Variants in RUNX1 observed in about 807,000 individuals in gnomAD.
RUNX1 encodes the protein RUNX family transcription factor 1.
In RUNX1, 19 loss-of-function variants were observed where a neutral mutation model predicts 42.8. The ratio of observed to expected loss-of-function variants is 0.44; its 90% CI spans 0.31 to 0.65. The LOEUF (loss-of-function observed/expected upper bound fraction) is 0.65, where lower values mean the gene tolerates loss of function less well. Among genes scored for constraint, RUNX1 ranks in the 30% least tolerant of loss-of-function variants. The probability of loss-of-function intolerance (pLI) is 0.07; values close to 1 mark genes in which losing one functional copy is unlikely to be tolerated. For missense variants in RUNX1, 528 were observed against 672.0 expected, an observed-to-expected ratio of 0.79 and a Z score of 2.37; for synonymous variants, 271 against 289.4, an observed-to-expected ratio of 0.94 and a Z score of 0.64.
chr21:34,938,992 C>T (rs191229943), intron 2 of RUNX1, among the ~76,000 whole-genome samples: 4 of 152,196 alleles, frequency 2.6e-5, no homozygotes, highest in Admixed American at 2.0e-4. Context: ...GCTCAAACAG[C>T]GGCAAATTTC....
At chr21:34,873,012 GA>G (rs773264416) in intron 5 of RUNX1, among the ~76,000 whole-genome samples, 31 of 152,186 alleles carry the variant, frequency 2.0e-4, no homozygotes, top group Non-Finnish European at 4.3e-4. Context: ...CTAGGTACTA[GA>G]GACACACCAT....
chr21:34,989,014 C>CTTTCTCTCT (rs2058914596), intron 2 of RUNX1, among the ~76,000 whole-genome samples: 1 of 145,854 alleles, frequency 6.9e-6, no homozygotes, highest in African/African-American at 2.6e-5. Flanking sequence ...CTCTCTCTCT[C>CTTTCTCTCT]TTTTTTTTTT....
At chr21:35,030,374 T>G (rs2059264898) in intron 2 of RUNX1, among the ~76,000 whole-genome samples, 2 of 151,338 alleles carry the variant, frequency 1.3e-5, no homozygotes, top group Admixed American at 6.6e-5. Context: ...AAACCACTGG[T>G]GTAAGATATT....
rs546998294 is a variant in RUNX1 at position 34,834,477 on chromosome 21, C to T, written c.738G>A (p.Thr246=). ...MRVSPHHPAP[T]PNPRASLNHS... Reference sequence around the variant, plus strand: ...GGTTCAGGGAGGCACGAGGGTTGGGCGTGGGGGCTGGGTGGTGTGGGCTGA... The same window carrying T: ...GGTTCAGGGAGGCACGAGGGTTGGGTGTGGGGGCTGGGTGGTGTGGGCTGA... The change falls in exon 7 of 9, where the codon ACG becomes ACA. Residue 246 remains threonine, a synonymous_variant. Transcript: ENST00000675419. The T allele has an allele frequency of 5.6e-6, 9 of 1,610,810 alleles. No homozygotes were observed. Among genetic ancestry groups the T allele is most frequent in the Middle Eastern group, 1.7e-4 (1 of 6,000 alleles).
At position 34,792,309 on chromosome 21, in the gene RUNX1, G is replaced by GCCCCC; in HGVS notation, c.1268_1269insGGGGG (p.Ser424GlyfsTer172). The stretch of plus-strand genomic sequence containing the variant: ...AGGGCGGCAGGATGCGCGGCGGCGA[G>GCCCCC]CGCTCGCCGCCCACCATGGAGAACT... On this transcript the variant is annotated frameshift_variant, in exon 9 of 9. Transcript: ENST00000675419. LOFTEE classifies it high-confidence loss of function. This position sits in a 1 kb window ranked among gnomAD's most constrained non-coding sequence, Gnocchi z 6.9. The GCCCCC allele has an allele frequency of 6.5e-7, 1 of 1,542,486 alleles. No homozygotes were observed. Among genetic ancestry groups the GCCCCC allele is most frequent in the Non-Finnish European group, 8.7e-7 (1 of 1,145,404 alleles).
At chr21:34,914,209 G>A (rs558411871) in intron 2 of RUNX1, among the ~76,000 whole-genome samples, 81 of 152,360 alleles carry the variant, frequency 5.3e-4, no homozygotes, top group African/African-American at 1.9e-3. Context: ...CTGTAGCTGA[G>A]TTTGCAAGAT....
chr21:34,983,934 G>T (rs1486594416), intron 2 of RUNX1, among the ~76,000 whole-genome samples: 1 of 152,158 alleles, frequency 6.6e-6, no homozygotes, highest in African/African-American at 2.4e-5. Flanking sequence ...AGAAATAGGG[G>T]AGCTGGAAAA....
chr21:34,850,658 A>T (rs2057404967), intron 6 of RUNX1, among the ~76,000 whole-genome samples: 1 of 152,160 alleles, frequency 6.6e-6, no homozygotes, highest in Non-Finnish European at 1.5e-5. Context: ...GGGCAAGGCC[A>T]TTTCACCCGT....
chr21:34,973,304 T>A lies in RUNX1; in HGVS notation c.58+75538A>T, dbSNP rs972134435. 3.9e-5 allele frequency among the ~76,000 whole-genome samples: 6 copies of A among 152,232 alleles called. No homozygotes were observed. The East Asian group carries it at 9.6e-4, about 24-fold the overall frequency. ...GATTGTCTCCCTTGCTACATAGTTATCATGCCAAGGACAAATTTTTGTCTG... is the reference window on the plus strand; with the variant it reads ...GATTGTCTCCCTTGCTACATAGTTAACATGCCAAGGACAAATTTTTGTCTG... On this transcript the variant is annotated intron_variant, in intron 2 of 8. Coordinates refer to ENST00000675419, the MANE Select transcript of RUNX1 (RefSeq NM_001754.5).
chr21:34,998,910 G>A (rs13046934), intron 2 of RUNX1, among the ~76,000 whole-genome samples: 35,306 of 152,186 alleles, frequency 0.23, 4,454 homozygotes, highest in African/African-American at 0.29. Flanking sequence ...ATGAAGTACA[G>A]TTGGGAAATC....
At chr21:34,798,558 T>C (rs1851897791) in intron 8 of RUNX1, among the ~76,000 whole-genome samples, 2 of 152,156 alleles carry the variant, frequency 1.3e-5, no homozygotes, top group African/African-American at 4.8e-5. Context: ...CGGTTCTCTA[T>C]ATCCGTGGGT....
intron 2 of RUNX1, among the ~76,000 whole-genome samples, chr21:34,926,282 C>T (rs1345392095): frequency 6.6e-6 from 1 of 151,380 alleles, no homozygotes; most frequent in Non-Finnish European, 1.5e-5. Context: ...TGAGACCAGC[C>T]TGGGCAACAT....
At chr21:34,849,410 TA>T in intron 6 of RUNX1, among the ~76,000 whole-genome samples, 4 of 65,852 alleles carry the variant, frequency 6.1e-5, no homozygotes, top group Non-Finnish European at 1.1e-4. Flanking sequence ...ATACTATATA[TA>T]ATATATTATA....
intron 2 of RUNX1, among the ~76,000 whole-genome samples, chr21:34,946,144 G>C (rs755541938): frequency 6.6e-6 from 1 of 152,088 alleles, no homozygotes; most frequent in Non-Finnish European, 1.5e-5. Context: ...TTCCCTCTCT[G>C]AACTGCTCTC....
chr21:34,847,748 C>T (rs568286880), intron 6 of RUNX1, among the ~76,000 whole-genome samples: 31 of 152,308 alleles, frequency 2.0e-4, no homozygotes, highest in Non-Finnish European at 3.2e-4. Flanking sequence ...AAGATCACCT[C>T]TCCCTCAAGG....
intron 5 of RUNX1, among the ~76,000 whole-genome samples, chr21:34,863,964 A>C (rs1236009303): frequency 6.6e-6 from 1 of 152,192 alleles, no homozygotes; most frequent in Admixed American, 6.5e-5. Flanking sequence ...ATTATCTTAC[A>C]GACACAGTGA....
chr21:34,893,949 T>C (rs1311107726), intron 2 of RUNX1, among the ~76,000 whole-genome samples: 2 of 152,020 alleles, frequency 1.3e-5, no homozygotes, highest in Non-Finnish European at 2.9e-5. Context: ...TGATGAAATA[T>C]TAAAGGAATT....
At chr21:34,953,432 T>C (rs1258648382) in intron 2 of RUNX1, among the ~76,000 whole-genome samples, 2 of 152,118 alleles carry the variant, frequency 1.3e-5, no homozygotes, top group Non-Finnish European at 2.9e-5. Flanking sequence ...TCCCTTTCCT[T>C]CTGACTGGAA....
rs1247386323 is a variant in RUNX1 at position 34,886,884 on chromosome 21, T to C, written c.310A>G (p.Thr104Ala). The stretch of plus-strand genomic sequence containing the variant: ...AGGGTCTTGTTGCAGCGCCAGTGCG[T>C]AGGCAGCACGGAGCAGAGGAAGTTG... ...SPNFLCSVLP[T>A]HWRCNKTLPI... is the part of the protein sequence containing the mutation. Residue 104 changes from threonine to alanine, a missense_variant, in exon 4 of 9, where the codon ACG (threonine) becomes GCG (alanine). By Grantham distance (58) the Thr-to-Ala change is moderately conservative. Coordinates refer to ENST00000675419, the MANE Select transcript of RUNX1 (RefSeq NM_001754.5). The C allele has an allele frequency of 1.9e-6, 3 of 1,613,612 alleles. No homozygotes were observed. Among genetic ancestry groups the C allele is most frequent in the Non-Finnish European group, 2.5e-6 (3 of 1,179,756 alleles).
Sources: allele counts gnomAD v4.1 joint callset (sites outside exome capture counted in the v4.1 genomes callset), GRCh38; gene constraint gnomAD v4.1.1; non-coding constraint Gnocchi (gnomAD v3.1); transcripts MANE v1.5; gene names NCBI Gene and HGNC (gene_info 2026-07-23, HGNC 2026-07-21).